Variants in ANAPC10 observed in about 807,000 individuals in gnomAD.
The protein encoded by ANAPC10 is anaphase-promoting complex subunit 10.
A neutral mutation model predicts 22.0 loss-of-function variants in ANAPC10; 12 were observed. The observed-to-expected ratio is 0.55, with a 90% CI of 0.35 to 0.88. The LOEUF (loss-of-function observed/expected upper bound fraction) is 0.88, where lower values mean the gene tolerates loss of function less well. ANAPC10 is among the 40% of genes least tolerant of loss of function. The pLI is 0.01. For missense variants in ANAPC10, 188 were observed against 220.9 expected, an observed-to-expected ratio of 0.85 and a Z score of 0.94; for synonymous variants, 65 against 69.5, an observed-to-expected ratio of 0.94 and a Z score of 0.32.
chr4:145,098,164 C>T lies in ANAPC10; in HGVS notation c.-57G>A, dbSNP rs1748894310. ...TTGCCGAAACTCAGATTCTCGGCAC[C>T]TCCAGCAGCTGGCTTCGCCAACGGC... is the stretch of plus-strand genomic sequence containing the variant. On this transcript the variant is annotated 5_prime_UTR_variant, in exon 1 of 5. Transcript: ENST00000507656. The T allele has an allele frequency of 6.5e-6, 1 of 152,702 alleles. No individual in the cohort carries two copies. The highest frequency in any genetic ancestry group is 2.4e-5 in the African/African-American group (1 of 41,474). The allele number at this position is 152,702 out of a possible 1,614,324, so 9.5% of individuals were successfully genotyped here. A position where few individuals can be genotyped will look rare whatever the true frequency, so the allele number is the denominator to read the frequency against.
At chr4:145,073,409 T>C (rs1450629666) in intron 3 of ANAPC10, among the ~76,000 whole-genome samples, 1 of 152,208 alleles carries the variant, frequency 6.6e-6, no homozygotes, top group Non-Finnish European at 1.5e-5. Flanking sequence ...AAAGAGATGA[T>C]TAAGCAAAAG....
At chr4:144,995,626 A>G in intron 4 of ANAPC10, 23 bp from the exon 5 acceptor site, 2 of 1,489,930 alleles carry the variant, frequency 1.3e-6, no homozygotes, top group Non-Finnish European at 1.9e-6. Flanking sequence ...AAAAAATCAG[A>G]TTATGCTTTT....
intron 2 of ANAPC10, among the ~76,000 whole-genome samples, chr4:145,083,448 C>A (rs976575170): frequency 6.6e-6 from 1 of 152,094 alleles, no homozygotes; most frequent in Non-Finnish European, 1.5e-5. Context: ...GAATAGATTT[C>A]TAGGAATAGA....
chr4:145,052,174 TTCAAG>T (rs1428421941), intron 4 of ANAPC10, among the ~76,000 whole-genome samples: 2 of 152,112 alleles, frequency 1.3e-5, no homozygotes, highest in Non-Finnish European at 2.9e-5. Flanking sequence ...AAGAAATAAG[TTCAAG>T]TCATCTACTG....
intron 4 of ANAPC10, among the ~76,000 whole-genome samples, chr4:145,006,657 T>C (rs1312589462): frequency 2.6e-5 from 4 of 152,180 alleles, no homozygotes; most frequent in African/African-American, 9.6e-5. Context: ...TTCTGTATAA[T>C]TGTTATACTT....
intron 4 of ANAPC10, among the ~76,000 whole-genome samples, chr4:145,025,559 G>T (rs1736540520): frequency 6.6e-6 from 1 of 152,090 alleles, no homozygotes; most frequent in Non-Finnish European, 1.5e-5. Flanking sequence ...TATCGATTGG[G>T]TTTGCCATCT....
At chr4:145,032,227 C>G (rs1296205914) in intron 4 of ANAPC10, among the ~76,000 whole-genome samples, 4 of 152,212 alleles carry the variant, frequency 2.6e-5, no homozygotes, top group Non-Finnish European at 5.9e-5. Context: ...TCTAGGACAT[C>G]CCTGAAGGAC....
intron 3 of ANAPC10, among the ~76,000 whole-genome samples, chr4:145,070,448 T>A (rs1579102673): frequency 6.6e-6 from 1 of 152,128 alleles, no homozygotes; most frequent in Admixed American, 6.5e-5. Context: ...ATTAGGGAAA[T>A]GAAAATCAAA....
intron 4 of ANAPC10, among the ~76,000 whole-genome samples, chr4:145,011,057 C>T (rs890009543): frequency 2.0e-5 from 3 of 151,976 alleles, no homozygotes; most frequent in Admixed American, 6.6e-5. Context: ...ATTGCCTGAA[C>T]GCAGTGGCTC....
At chr4:145,004,679 A>G (rs199643136) in intron 4 of ANAPC10, among the ~76,000 whole-genome samples, 1 of 152,166 alleles carries the variant, frequency 6.6e-6, no homozygotes, top group Non-Finnish European at 1.5e-5. Flanking sequence ...CCAACTTTGT[A>G]TTCCAGGGAT....
chr4:145,097,770 G>A (rs1748800865), intron 1 of ANAPC10: 1 of 346,308 alleles, frequency 2.9e-6, no homozygotes, highest in South Asian at 2.2e-5. Context: ...CCTAAAAAAA[G>A]ATAGAAATAA....
At chr4:145,025,937 T>G (rs7700217) in intron 4 of ANAPC10, among the ~76,000 whole-genome samples, 2,531 of 152,230 alleles carry the variant, frequency 0.017, 73 homozygotes, top group African/African-American at 0.057. Context: ...TATAGAAAAC[T>G]AAGGTCTTAC....
At chr4:145,026,732 A>C (rs1417641476) in intron 4 of ANAPC10, among the ~76,000 whole-genome samples, 1 of 118,276 alleles carries the variant, frequency 8.5e-6, no homozygotes, top group Non-Finnish European at 1.7e-5. Context: ...AAAAAAAGGA[A>C]CTCCAAAGAG....
intron 2 of ANAPC10, among the ~76,000 whole-genome samples, chr4:145,094,799 GAA>G (rs796841890): frequency 2.9e-5 from 4 of 137,542 alleles, no homozygotes; most frequent in African/African-American, 8.0e-5. Context: ...AGTTACTTAG[GAA>G]AAAAAAAAAA....
At chr4:145,015,242 A>C (rs575439179) in intron 4 of ANAPC10, among the ~76,000 whole-genome samples, 40 of 152,168 alleles carry the variant, frequency 2.6e-4, no homozygotes, top group African/African-American at 9.6e-4. Context: ...CATAAAGAAA[A>C]AACAATCAAA....
At chr4:145,004,754 T>C (rs1205681537) in intron 4 of ANAPC10, among the ~76,000 whole-genome samples, 3 of 152,192 alleles carry the variant, frequency 2.0e-5, no homozygotes, top group African/African-American at 7.2e-5. Flanking sequence ...TGCTAGTATT[T>C]TGTTGAAGAT....
intron 3 of ANAPC10, among the ~76,000 whole-genome samples, chr4:145,081,126 T>C (rs946898653): frequency 6.6e-6 from 1 of 151,604 alleles, no homozygotes; most frequent in Non-Finnish European, 1.5e-5. Flanking sequence ...TTTAAAAATC[T>C]GATAATAAAT....
At chr4:145,076,306 A>G (rs1745190951) in intron 3 of ANAPC10, among the ~76,000 whole-genome samples, 1 of 152,242 alleles carries the variant, frequency 6.6e-6, no homozygotes, top group Non-Finnish European at 1.5e-5. Context: ...CCTCTGGATT[A>G]CAGCATGCAA....
intron 4 of ANAPC10, chr4:145,033,229 G>T (rs1486710228): frequency 6.6e-6 from 1 of 152,314 alleles, no homozygotes; most frequent in East Asian, 1.9e-4. Flanking sequence ...AGGATTCACA[G>T]TTCCAGGAAT....
Sources: allele counts gnomAD v4.1 joint callset (sites outside exome capture counted in the v4.1 genomes callset), GRCh38; gene constraint gnomAD v4.1.1; transcripts MANE v1.5; gene names NCBI Gene and HGNC (gene_info 2026-07-23, HGNC 2026-07-21).